The following PALD1 variants were observed in gnomAD, a reference collection of about 807,000 sequenced individuals.
PALD1 encodes the protein paladin.
A neutral mutation model predicts 96.0 loss-of-function variants in PALD1; 57 were observed. That is an observed-to-expected ratio of 0.59 (90% CI 0.48 to 0.74). PALD1 has a LOEUF of 0.74. Among genes scored for constraint, PALD1 ranks in the 30% least tolerant of loss-of-function variants. PALD1 has a pLI of 0.00. For synonymous variants in PALD1, 464 were observed against 473.6 expected (o/e 0.98, Z 0.26); for missense variants, 1,063 against 1,143.7 (o/e 0.93, Z 1.02).
At chr10:70,566,324 G>A (rs372205983) in intron 19 of PALD1, among the ~76,000 whole-genome samples, 7 of 152,306 alleles carry the variant, frequency 4.6e-5, no homozygotes, top group South Asian at 2.1e-4. Flanking sequence ...GGCCTCCCTC[G>A]CTGCTATCTG....
chr10:70,493,465 T>C (rs548923411), intron 1 of PALD1, among the ~76,000 whole-genome samples: 1 of 152,314 alleles, frequency 6.6e-6, no homozygotes, highest in South Asian at 2.1e-4. Flanking sequence ...TTCCTCTGTC[T>C]GTCTTTTGTG....
intron 1 of PALD1, chr10:70,485,867 GTGT>G (rs1589168529): frequency 6.4e-6 from 1 of 155,710 alleles, no homozygotes; most frequent in Non-Finnish European, 1.5e-5. Flanking sequence ...AGACTGGTTG[GTGT>G]TGTTCTGGTC....
At chr10:70,495,843 A>C (rs568277875) in intron 1 of PALD1, among the ~76,000 whole-genome samples, 3 of 98,060 alleles carry the variant, frequency 3.1e-5, no homozygotes, top group Non-Finnish European at 4.0e-5. Context: ...TTGTCTCTAC[A>C]AAAAAAAAAA....
intron 10 of PALD1, among the ~76,000 whole-genome samples, chr10:70,535,966 C>G (rs968264259): frequency 6.6e-6 from 1 of 152,126 alleles, no homozygotes; most frequent in Non-Finnish European, 1.5e-5. Context: ...GGGTCTTTTT[C>G]TTTCTAAAAA....
intron 1 of PALD1, among the ~76,000 whole-genome samples, chr10:70,499,627 T>C (rs1195248836): frequency 6.6e-6 from 1 of 152,260 alleles, no homozygotes; most frequent in East Asian, 1.9e-4. Context: ...TCCCGTGGCC[T>C]GGCATTTTCT....
chr10:70,503,837 G>A (rs1364548750), intron 1 of PALD1, among the ~76,000 whole-genome samples: 1 of 152,190 alleles, frequency 6.6e-6, no homozygotes, highest in East Asian at 1.9e-4. Context: ...TCTGTCCCAA[G>A]ATTATACAAA....
At chr10:70,478,188 G>C (rs2132246467), upstream of PALD1, among the ~76,000 whole-genome samples, 1 of 152,314 alleles carries the variant, frequency 6.6e-6, no homozygotes, top group East Asian at 1.9e-4. Flanking sequence ...TTAGGACCCC[G>C]GGGCGTGGGA....
chr10:70,529,180 G>A (rs1846934720), intron 2 of PALD1, 49 bp from the exon 3 acceptor site: 1 of 697,998 alleles, frequency 1.4e-6, no homozygotes, highest in Non-Finnish European at 2.4e-6. Flanking sequence ...CCTTGACCAA[G>A]GAGGTTGCTT....
the PALD1 span, among the ~76,000 whole-genome samples, chr10:70,460,402 C>T: frequency 6.6e-6 from 1 of 152,180 alleles, no homozygotes; most frequent in Non-Finnish European, 1.5e-5. Flanking sequence ...CCGTGGGCTC[C>T]CTCACAGTCA....
upstream of PALD1, among the ~76,000 whole-genome samples, chr10:70,476,604 C>A (rs1845824773): frequency 6.6e-6 from 1 of 152,166 alleles, no homozygotes; most frequent in South Asian, 2.1e-4. Flanking sequence ...CCCCTACCTA[C>A]CAGCTGAACC....
intron 1 of PALD1, among the ~76,000 whole-genome samples, chr10:70,504,162 AAG>A (rs1388466595): frequency 6.6e-6 from 1 of 152,260 alleles, no homozygotes; most frequent in Non-Finnish European, 1.5e-5. Context: ...TGACGACTCT[AAG>A]AGCTTTTGTG....
chr10:70,539,737 C>T lies in PALD1; in HGVS notation c.1883C>T (p.Pro628Leu), dbSNP rs146237508. 7.0e-4 allele frequency: 1,128 copies of T among 1,611,644 alleles called. 7 individuals carry two copies. Among genetic ancestry groups the T allele is most frequent in the South Asian group, 5.1e-3 (465 of 90,868 alleles). The change falls in exon 15 of 20, where the codon CCG becomes CTG. Residue 628 changes from proline to leucine, a missense_variant. By Grantham distance (98) the Pro-to-Leu change is moderately conservative (BLOSUM62 -3). Transcript: ENST00000263563. The surrounding 1 kb of genome is among the most constrained non-coding windows in gnomAD (Gnocchi z 4.5). ...PGLTYHRIPMPDFCAPREEDF... is the reference protein window; with the variant it reads ...PGLTYHRIPMLDFCAPREEDF... ...CTCACCTACCACCGCATCCCCATGC[C>T]GGACTTCTGTGCCCCCCGAGAGGAG...
At chr10:70,519,174 C>T (rs1227228892) in intron 1 of PALD1, among the ~76,000 whole-genome samples, 1 of 152,024 alleles carries the variant, frequency 6.6e-6, no homozygotes, top group Non-Finnish European at 1.5e-5. Context: ...AACTCTTGGG[C>T]TCAAGCAGTC....
chr10:70,507,339 G>A (rs2132307257), intron 1 of PALD1, among the ~76,000 whole-genome samples: 1 of 152,330 alleles, frequency 6.6e-6, no homozygotes, highest in South Asian at 2.1e-4. Flanking sequence ...TTGAATACAG[G>A]AGGAGGAGGT....
chr10:70,522,120 A>G (rs881097), intron 1 of PALD1, among the ~76,000 whole-genome samples: 29,641 of 152,150 alleles, frequency 0.19, 2,991 homozygotes, highest in Admixed American at 0.24. Flanking sequence ...CTCAGCTTCA[A>G]TGGGGGTGTC....
intron 17 of PALD1, among the ~76,000 whole-genome samples, chr10:70,545,370 G>A (rs530361593): frequency 6.6e-6 from 1 of 152,196 alleles, no homozygotes; most frequent in African/African-American, 2.4e-5. Context: ...CCAGGGAGAG[G>A]GAGGGCGGGG....
intron 17 of PALD1, among the ~76,000 whole-genome samples, chr10:70,542,944 T>A (rs1847281716): frequency 6.6e-6 from 1 of 151,894 alleles, no homozygotes; most frequent in South Asian, 2.1e-4. Flanking sequence ...ATTTCTTTTT[T>A]CTGTTTTTTT....
intron 1 of PALD1, among the ~76,000 whole-genome samples, chr10:70,490,581 A>T (rs910728472): frequency 1.3e-5 from 2 of 152,192 alleles, no homozygotes; most frequent in African/African-American, 2.4e-5. Flanking sequence ...CAAAACTATT[A>T]AAAAAACAGG....
chr10:70,496,845 G>A lies in PALD1; in HGVS notation c.-30+17786G>A, dbSNP rs114208475. Among the ~76,000 whole-genome samples the A allele has an allele frequency of 3.4e-3, 512 of 152,274 alleles. 8 individuals are homozygous for A. Among genetic ancestry groups the A allele is most frequent in the African/African-American group, 0.012 (487 of 41,546 alleles). ...AGACCGAGGAGGTTCCAGAGGGTCT[G>A]AGAGAGGAAGAGCCTTGCCCAGGGT... On this transcript the variant is annotated intron_variant, in intron 1 of 19. Coordinates refer to ENST00000263563, the MANE Select transcript of PALD1 (RefSeq NM_014431.3).
Sources: gnomAD v4.1 joint callset for allele counts (sites outside exome capture counted in the v4.1 genomes callset) on GRCh38, gnomAD v4.1.1 for gene constraint, Gnocchi (gnomAD v3.1) non-coding constraint, MANE v1.5 for transcripts, NCBI Gene and HGNC (gene_info 2026-07-23, HGNC 2026-07-21) for gene names.